The following RNF4 variants were observed in gnomAD, a reference collection of about 807,000 sequenced individuals.
RNF4 encodes E3 ubiquitin-protein ligase RNF4.
Under a neutral mutation model 24.3 loss-of-function variants are expected in RNF4, and 7 were observed. That is an observed-to-expected ratio of 0.29 (90% CI 0.16 to 0.54). The LOEUF (loss-of-function observed/expected upper bound fraction) is 0.54. RNF4 is among the 20% of genes least tolerant of loss of function. The pLI, the probability that RNF4 is intolerant of heterozygous loss-of-function variation, is 0.95. For missense variants in RNF4, 209 were observed against 248.5 expected (o/e 0.84, Z 1.07); for synonymous variants, 83 against 84.3 (o/e 0.98, Z 0.09).
intron 1 of RNF4, among the ~76,000 whole-genome samples, chr4:2,477,688 G>C (rs1055085895): frequency 6.6e-6 from 1 of 152,090 alleles, no homozygotes; most frequent in Non-Finnish European, 1.5e-5. Context: ...GCTTCTCCTT[G>C]CCTTCCGCCA....
intron 7 of RNF4, among the ~76,000 whole-genome samples, 164 bp downstream of exon 7, chr4:2,513,295 A>C (rs1736321203): frequency 6.6e-6 from 1 of 152,146 alleles, no homozygotes; most frequent in Non-Finnish European, 1.5e-5. Flanking sequence ...AGAATGTGCC[A>C]GTTTCTCCTT....
chr4:2,504,463 C>T (rs1736005914), intron 4 of RNF4, among the ~76,000 whole-genome samples: 1 of 151,988 alleles, frequency 6.6e-6, no homozygotes, highest in African/African-American at 2.4e-5. Context: ...GATCAAACAC[C>T]TTTTCATGTT....
At chr4:2,499,660 G>A (rs1363326471) in intron 3 of RNF4, among the ~76,000 whole-genome samples, 2 of 152,128 alleles carry the variant, frequency 1.3e-5, no homozygotes, top group African/African-American at 4.8e-5. Flanking sequence ...ATAAATGGAA[G>A]TTGTACGTTA....
chr4:2,490,691 C>T (rs934082164), intron 2 of RNF4, 189 bp downstream of exon 2: 3 of 570,382 alleles, frequency 5.3e-6, no homozygotes, highest in East Asian at 2.9e-5. Context: ...ACATTCGAGT[C>T]ATAAAGGGCA....
rs548601659 is a variant in RNF4, at chr4:2,515,672, T to C, written c.*1853T>C. 2.1e-4 allele frequency: 32 copies of C among 152,780 alleles called. No individual in the cohort carries two copies. The highest frequency in any genetic ancestry group is 4.1e-4 in the Non-Finnish European group (28 of 68,026). The allele number at this position is 152,780 out of a possible 1,614,324, so 9.5% of individuals were successfully genotyped here. Reference sequence around the variant, plus strand: ...TGATAGAAAGATTTAAAAATGTGTTTTGTTTCTACTATTCAGAAACTGCGA... The same window carrying C: ...TGATAGAAAGATTTAAAAATGTGTTCTGTTTCTACTATTCAGAAACTGCGA... On this transcript the variant is annotated 3_prime_UTR_variant, in exon 8 of 8. Transcript: ENST00000314289.
chr4:2,489,784 C>T (rs1265578860), intron 1 of RNF4: 1 of 152,264 alleles, frequency 6.6e-6, no homozygotes. Context: ...GCCTCTGCAT[C>T]TGGTGATTTC....
In RNF4 at chr4:2,510,963, C is replaced by A. The variant is rs185390644; in HGVS notation, c.205-993C>A. Among the ~76,000 whole-genome samples the A allele has an allele frequency of 2.8e-4, 43 of 152,354 alleles. 1 individual carries two copies. The highest frequency in any genetic ancestry group is 9.6e-4 in the African/African-American group (40 of 41,586). On this transcript the variant is annotated intron_variant, in intron 4 of 7. Coordinates refer to ENST00000314289, the MANE Select transcript of RNF4 (RefSeq NM_002938.5). ...TGTTCAATCCTTGGTGTGTGTCACA[C>A]GCATTGGTCATGCATAGCCTGCTTT... is the stretch of plus-strand genomic sequence containing the variant.
At chr4:2,482,377 G>C (rs774632192) in intron 1 of RNF4, among the ~76,000 whole-genome samples, 2 of 152,244 alleles carry the variant, frequency 1.3e-5, no homozygotes, top group Non-Finnish European at 2.9e-5. Flanking sequence ...ACACCAGGTA[G>C]CTTGGCAAGC....
chr4:2,497,749 C>T (rs1054408713), intron 3 of RNF4, among the ~76,000 whole-genome samples: 3 of 152,160 alleles, frequency 2.0e-5, no homozygotes, highest in African/African-American at 2.4e-5. Context: ...ATTCTCCTGC[C>T]TCAGCCTCCC....
At chr4:2,475,463 C>T (rs555902582) in intron 1 of RNF4, among the ~76,000 whole-genome samples, 1 of 152,212 alleles carries the variant, frequency 6.6e-6, no homozygotes, top group East Asian at 1.9e-4. Flanking sequence ...CTCAGCCTCC[C>T]GGGTAGCTGG....
chr4:2,491,783 G>A (rs532689486), intron 2 of RNF4, among the ~76,000 whole-genome samples: 4 of 152,004 alleles, frequency 2.6e-5, no homozygotes, highest in African/African-American at 9.7e-5. Flanking sequence ...TCCCAGTCTG[G>A]AGTGCAGTGG....
Position 2,512,961 on chromosome 4 carries a change from C to A in RNF4, c.375-122C>A. On this transcript the variant is annotated intron_variant, in intron 6 of 7. Coordinates refer to ENST00000314289, the MANE Select transcript of RNF4 (RefSeq NM_002938.5). This position sits in a 1 kb window ranked among gnomAD's most constrained non-coding sequence, Gnocchi z 4.1. Reference sequence around the variant, plus strand: ...CCTGAAAGTCTCTCGGATGCCCGCGCTAAGGCAGAGTCAGGAGGCCAGGGA... The same window carrying A: ...CCTGAAAGTCTCTCGGATGCCCGCGATAAGGCAGAGTCAGGAGGCCAGGGA... The A allele has an allele frequency of 2.1e-6, 2 of 972,538 alleles. No individual in the cohort carries two copies. Among genetic ancestry groups the A allele is most frequent in the Non-Finnish European group, 3.3e-6 (2 of 614,556 alleles). 60.2% of individuals were successfully genotyped at this position (972,538 alleles called of 1,614,324 possible).
intron 1 of RNF4, among the ~76,000 whole-genome samples, chr4:2,483,569 C>G (rs1278340450): frequency 6.6e-6 from 1 of 152,046 alleles, no homozygotes; most frequent in Non-Finnish European, 1.5e-5. Context: ...TTTGGGAAGT[C>G]AAGGTGGGCA....
intron 3 of RNF4, among the ~76,000 whole-genome samples, chr4:2,497,953 A>G (rs1449457933): frequency 1.3e-5 from 2 of 152,140 alleles, no homozygotes; most frequent in Admixed American, 6.5e-5. Flanking sequence ...CGCGTTTTAA[A>G]CAGAAGAAAC....
intron 1 of RNF4, among the ~76,000 whole-genome samples, chr4:2,479,123 A>C (rs1735171809): frequency 6.6e-6 from 1 of 152,202 alleles, no homozygotes; most frequent in Admixed American, 6.5e-5. Flanking sequence ...TCGGACTTGC[A>C]TGGGGCCTGT....
chr4:2,485,817 C>T (rs188984626), intron 1 of RNF4, among the ~76,000 whole-genome samples: 3 of 152,284 alleles, frequency 2.0e-5, no homozygotes, highest in Non-Finnish European at 2.9e-5. Flanking sequence ...GCCTTGTCCT[C>T]GTAGCGCTTA....
At chr4:2,504,535 T>G (rs964748057) in intron 4 of RNF4, among the ~76,000 whole-genome samples, 2 of 143,878 alleles carry the variant, frequency 1.4e-5, no homozygotes, top group African/African-American at 2.5e-5. Flanking sequence ...TTTATTTATT[T>G]ATTTATTTAT....
rs1405977952 is a variant in RNF4, at chr4:2,514,066, G to A, written c.*247G>A. 4.4e-6 allele frequency: 2 copies of A among 458,068 alleles called. No individual in the cohort carries two copies. Among genetic ancestry groups the A allele is most frequent in the African/African-American group, 3.9e-5 (2 of 51,800 alleles). The allele number at this position is 458,068 out of a possible 1,614,324, so 28.4% of individuals were successfully genotyped here. A position where few individuals can be genotyped will look rare whatever the true frequency, so the allele number is the denominator to read the frequency against. Reference sequence around the variant, plus strand: ...GGTCCAGTTCTAGAGTGGGAGAAAGGGAGTCAGGCGCATTGGGAATCGTGG... The same window carrying A: ...GGTCCAGTTCTAGAGTGGGAGAAAGAGAGTCAGGCGCATTGGGAATCGTGG... On this transcript the variant is annotated 3_prime_UTR_variant, in exon 8 of 8. Coordinates refer to ENST00000314289, the MANE Select transcript of RNF4 (RefSeq NM_002938.5).
intron 4 of RNF4, among the ~76,000 whole-genome samples, chr4:2,501,926 C>G (rs912278495): frequency 2.0e-5 from 3 of 152,164 alleles, no homozygotes; most frequent in Non-Finnish European, 1.5e-5. Flanking sequence ...AAGAAAAGGA[C>G]AGGGATGGAA....
Sources: allele counts gnomAD v4.1 joint callset (sites outside exome capture counted in the v4.1 genomes callset), GRCh38; gene constraint gnomAD v4.1.1; non-coding constraint Gnocchi (gnomAD v3.1); transcripts MANE v1.5; gene names NCBI Gene and HGNC (gene_info 2026-07-23, HGNC 2026-07-21).